ITGA9: variants seen among roughly 807,000 people sequenced by gnomAD.
ITGA9 encodes the protein integrin alpha-9.
ITGA9 carries 56 observed loss-of-function variants against 127.8 expected under a neutral mutation model. The observed-to-expected ratio is 0.44, with a 90% CI of 0.35 to 0.55. The LOEUF is 0.55. Ranked by LOEUF, ITGA9 falls within the 20% of genes least tolerant of loss-of-function variation. ITGA9 has a pLI of 0.00. For missense variants in ITGA9, 1,196 were observed against 1,347.1 expected, an observed-to-expected ratio of 0.89 and a Z score of 1.76; for synonymous variants, 508 against 514.5, an observed-to-expected ratio of 0.99 and a Z score of 0.17.
At chr3:37,767,548 G>A (rs1282507939) in intron 23 of ITGA9, among the ~76,000 whole-genome samples, 2 of 152,290 alleles carry the variant, frequency 1.3e-5, no homozygotes, top group South Asian at 4.1e-4. Flanking sequence ...CAGGTTTGGA[G>A]TGGGCTGTCA....
At chr3:37,695,517 A>G (rs1700875946) in intron 18 of ITGA9, among the ~76,000 whole-genome samples, 1 of 152,234 alleles carries the variant, frequency 6.6e-6, no homozygotes, top group South Asian at 2.1e-4. Flanking sequence ...TGACATATAC[A>G]GATGCCCGTG....
chr3:37,789,768 CAAAAAA>C (rs71635850), intron 26 of ITGA9, among the ~76,000 whole-genome samples: 1 of 35,690 alleles, frequency 2.8e-5, no homozygotes, highest in Non-Finnish European at 4.6e-5. Context: ...GACTCCGTCT[CAAAAAA>C]AAAAAAAAAA....
intron 18 of ITGA9, among the ~76,000 whole-genome samples, chr3:37,687,088 G>A (rs1372831712): frequency 6.6e-6 from 1 of 152,078 alleles, no homozygotes. Flanking sequence ...GAAAACAAAA[G>A]TAAATTTTAC....
intron 16 of ITGA9, among the ~76,000 whole-genome samples, chr3:37,639,049 G>T (rs376375500): frequency 2.0e-5 from 3 of 152,136 alleles, no homozygotes; most frequent in Admixed American, 1.3e-4. Flanking sequence ...GATTCTGGGC[G>T]CTCTGGGGAC....
intron 15 of ITGA9, among the ~76,000 whole-genome samples, chr3:37,570,102 G>A (rs1699586060): frequency 6.6e-6 from 1 of 152,256 alleles, no homozygotes; most frequent in Non-Finnish European, 1.5e-5. Context: ...ATGCGCCAAA[G>A]CAGCTGCCTT....
chr3:37,758,239 C>T (rs1016177723), intron 23 of ITGA9, among the ~76,000 whole-genome samples: 3 of 145,480 alleles, frequency 2.1e-5, no homozygotes, highest in South Asian at 2.2e-4. Flanking sequence ...AGGAGAATGG[C>T]GTGAACCCGG....
chr3:37,669,190 A>C (rs1700613716), intron 17 of ITGA9, among the ~76,000 whole-genome samples: 1 of 152,218 alleles, frequency 6.6e-6, no homozygotes. Flanking sequence ...CTTGCTGTGC[A>C]GGTGCACTGC....
chr3:37,731,363 T>C (rs1252233320), intron 18 of ITGA9, among the ~76,000 whole-genome samples: 1 of 152,194 alleles, frequency 6.6e-6, no homozygotes, highest in Non-Finnish European at 1.5e-5. Flanking sequence ...AAGGTGATAC[T>C]AACGCTGGCG....
chr3:37,685,357 C>T (rs1364225741), intron 18 of ITGA9, among the ~76,000 whole-genome samples: 6 of 152,132 alleles, frequency 3.9e-5, no homozygotes, highest in African/African-American at 1.4e-4. Context: ...TTTAGGAGCT[C>T]CAGGGTTGAG....
intron 18 of ITGA9, among the ~76,000 whole-genome samples, chr3:37,714,395 G>T (rs529732519): frequency 2.6e-5 from 4 of 152,306 alleles, no homozygotes; most frequent in African/African-American, 4.8e-5. Flanking sequence ...TTGGAGGGAG[G>T]TAACATCTGG....
At chr3:37,577,935 T>C (rs1699669306) in intron 15 of ITGA9, among the ~76,000 whole-genome samples, 1 of 152,240 alleles carries the variant, frequency 6.6e-6, no homozygotes, top group African/African-American at 2.4e-5. Context: ...CATCTTTATG[T>C]TGTATTGGAA....
intron 16 of ITGA9, among the ~76,000 whole-genome samples, chr3:37,637,408 G>T (rs1192499467): frequency 6.6e-6 from 1 of 152,090 alleles, no homozygotes; most frequent in Admixed American, 6.5e-5. Context: ...GTGAATGGGA[G>T]TTCACTCATG....
At chr3:37,533,551 G>A in intron 14 of ITGA9, 83 bp downstream of exon 14, 2 of 1,409,230 alleles carry the variant, frequency 1.4e-6, no homozygotes, top group Non-Finnish European at 2.0e-6. Context: ...CCCTGTCGCT[G>A]TTCCTCCCAG....
intron 15 of ITGA9, among the ~76,000 whole-genome samples, chr3:37,568,507 C>T (rs974562218): frequency 9.2e-5 from 14 of 152,204 alleles, no homozygotes; most frequent in Admixed American, 1.3e-4. Context: ...TCTTTTCTAT[C>T]GCATTGTCAG....
chr3:37,594,728 C>A (rs921990937), intron 15 of ITGA9, among the ~76,000 whole-genome samples: 1 of 152,122 alleles, frequency 6.6e-6, no homozygotes, highest in African/African-American at 2.4e-5. Context: ...GTGCTAACAA[C>A]GCTTAATAGA....
chr3:37,492,945 G>A (rs903489968), intron 4 of ITGA9, among the ~76,000 whole-genome samples: 13 of 152,204 alleles, frequency 8.5e-5, no homozygotes, highest in Non-Finnish European at 1.8e-4. Flanking sequence ...TGCAGGATTT[G>A]TTCATTGCTT....
In ITGA9 at chr3:37,452,372, G is replaced by C; in HGVS notation, c.-3G>C. Reference sequence around the variant, plus strand: ...CAGAGGGGAAGGCGGCGGCCGGCTGGGGATGGGCGGCCCGGCTGCGCCGAG... The same window carrying C: ...CAGAGGGGAAGGCGGCGGCCGGCTGCGGATGGGCGGCCCGGCTGCGCCGAG... On this transcript the variant is annotated 5_prime_UTR_variant, in exon 1 of 28. Coordinates refer to ENST00000264741, the MANE Select transcript of ITGA9 (RefSeq NM_002207.3). This position sits in a 1 kb window ranked among gnomAD's most constrained non-coding sequence, Gnocchi z 7.3. The C allele has an allele frequency of 8.1e-7, 1 of 1,232,844 alleles. No individual in the cohort carries two copies. The highest frequency in any genetic ancestry group is 1.0e-6 in the Non-Finnish European group (1 of 989,110). 76.4% of individuals were successfully genotyped at this position (1,232,844 alleles called of 1,614,324 possible).
At chr3:37,606,335 G>A (rs1217064859) in intron 15 of ITGA9, among the ~76,000 whole-genome samples, 1 of 152,194 alleles carries the variant, frequency 6.6e-6, no homozygotes, top group African/African-American at 2.4e-5. Context: ...TGCAATGGTG[G>A]AAACGTTCTG....
At chr3:37,612,973 TTA>T (rs1164944422) in intron 15 of ITGA9, among the ~76,000 whole-genome samples, 4 of 151,912 alleles carry the variant, frequency 2.6e-5, no homozygotes, top group Non-Finnish European at 5.9e-5. Context: ...TTTTTTTTTT[TTA>T]ATTATACTTT....
Sources: allele counts gnomAD v4.1 joint callset (sites outside exome capture counted in the v4.1 genomes callset), GRCh38; gene constraint gnomAD v4.1.1; non-coding constraint Gnocchi (gnomAD v3.1); transcripts MANE v1.5; gene names NCBI Gene and HGNC (gene_info 2026-07-23, HGNC 2026-07-21).